COMMD10: variants seen among roughly 807,000 people sequenced by gnomAD.
The protein encoded by COMMD10 is COMM domain containing 10, also known as COMM domain-containing protein 10.
Under a neutral mutation model 28.9 loss-of-function variants are expected in COMMD10, and 33 were observed. That is an observed-to-expected ratio of 1.14 (90% CI 0.87 to 1.53). The LOEUF is 1.53. Ranked by LOEUF, COMMD10 falls within the 40% of genes most tolerant of loss-of-function variation. COMMD10 has a pLI of 0.00. For missense variants in COMMD10, 310 were observed against 233.4 expected, an observed-to-expected ratio of 1.33 and a Z score of -2.14; for synonymous variants, 110 against 81.7, an observed-to-expected ratio of 1.35 and a Z score of -1.87.
chr5:116,210,121 T>A (rs1748920457), intron 5 of COMMD10, among the ~76,000 whole-genome samples: 1 of 152,172 alleles, frequency 6.6e-6, no homozygotes, highest in Non-Finnish European at 1.5e-5. Flanking sequence ...CCTTGATAAC[T>A]AACTCACTCC....
chr5:116,107,942 C>T (rs1750897633), intron 4 of COMMD10, among the ~76,000 whole-genome samples: 1 of 152,206 alleles, frequency 6.6e-6, no homozygotes, highest in African/African-American at 2.4e-5. Context: ...TCAGGCCCTT[C>T]TGCTGGAGTT....
At chr5:116,096,722 C>T (rs890418508) in intron 4 of COMMD10, among the ~76,000 whole-genome samples, 5 of 151,990 alleles carry the variant, frequency 3.3e-5, no homozygotes, top group African/African-American at 1.2e-4. Flanking sequence ...GAAAATGCCC[C>T]TTTATTGTTT....
Position 116,114,905 on chromosome 5 carries a change from G to A in COMMD10, c.400-19163G>A, listed in dbSNP as rs533819046. Among the ~76,000 whole-genome samples, 7 of 152,198 alleles carry A rather than the reference G, an allele frequency of 4.6e-5. No individual in the cohort carries two copies. The East Asian group carries it at 9.7e-4, about 21-fold the overall frequency. On this transcript the variant is annotated intron_variant, in intron 4 of 6. Transcript: ENST00000274458. ...AGACTGCTTTGGCGGCTCTTATTCTGCTCACATCTTGGGGGTTGCCTAGCT... is the reference window on the plus strand; with the variant it reads ...AGACTGCTTTGGCGGCTCTTATTCTACTCACATCTTGGGGGTTGCCTAGCT...
chr5:116,257,166 G>C (rs1456902325), intron 5 of COMMD10, among the ~76,000 whole-genome samples: 3 of 151,148 alleles, frequency 2.0e-5, no homozygotes, highest in Admixed American at 1.3e-4. Context: ...ACTATGTCCT[G>C]TGTTCCTGCA....
rs145787014 is a variant in COMMD10, at chr5:116,109,572, C to T, written c.399+16872C>T. ...TAGTGCCACTGCACTCCAGCCTGGG[C>T]GACAGAGTGAGACTCTGTCTCAAAA... On this transcript the variant is annotated intron_variant, in intron 4 of 6. Transcript: ENST00000274458. Among the ~76,000 whole-genome samples, 1,114 of 152,188 alleles carry T rather than the reference C, an allele frequency of 7.3e-3. 13 individuals carry two copies. The highest frequency in any genetic ancestry group is 0.025 in the African/African-American group (1,035 of 41,530).
intron 2 of COMMD10, among the ~76,000 whole-genome samples, chr5:116,089,707 G>C (rs1750235692): frequency 6.6e-6 from 1 of 152,166 alleles, no homozygotes; most frequent in African/African-American, 2.4e-5. Context: ...GAGAAGAGGT[G>C]CTTGTTGAAA....
chr5:116,125,719 T>G (rs570724054), intron 4 of COMMD10, among the ~76,000 whole-genome samples: 156 of 152,270 alleles, frequency 1.0e-3, no homozygotes, highest in Admixed American at 3.6e-3. Context: ...TTTCACATAG[T>G]CCCATATTTT....
chr5:116,093,242 T>G (rs1228672428), intron 4 of COMMD10, among the ~76,000 whole-genome samples: 1 of 152,206 alleles, frequency 6.6e-6, no homozygotes, highest in Non-Finnish European at 1.5e-5. Context: ...GATGGCTGAC[T>G]AGAGGCACAG....
chr5:116,185,515 CT>C (rs1189811774), intron 5 of COMMD10, among the ~76,000 whole-genome samples: 1 of 151,804 alleles, frequency 6.6e-6, no homozygotes, highest in East Asian at 1.9e-4. Flanking sequence ...ACCCTGCTTT[CT>C]CCTTGGCGTT....
At chr5:116,203,881 C>A (rs1337865861) in intron 5 of COMMD10, among the ~76,000 whole-genome samples, 1 of 151,800 alleles carries the variant, frequency 6.6e-6, no homozygotes, top group East Asian at 1.9e-4. Context: ...ATCAAATTCA[C>A]ACATAACAAT....
At chr5:116,118,132 G>A (rs1751303696) in intron 4 of COMMD10, among the ~76,000 whole-genome samples, 1 of 152,208 alleles carries the variant, frequency 6.6e-6, no homozygotes, top group Admixed American at 6.5e-5. Flanking sequence ...TCTGCTGGAT[G>A]TTCATAGGGC....
chr5:116,253,990 T>G (rs1280349098), intron 5 of COMMD10, among the ~76,000 whole-genome samples: 1 of 152,092 alleles, frequency 6.6e-6, no homozygotes, highest in African/African-American at 2.4e-5. Flanking sequence ...TTATTGGTCT[T>G]TTCAGAGATT....
At chr5:116,107,626 T>C (rs1750884890) in intron 4 of COMMD10, among the ~76,000 whole-genome samples, 1 of 152,184 alleles carries the variant, frequency 6.6e-6, no homozygotes, top group Non-Finnish European at 1.5e-5. Flanking sequence ...GGTTAGAACA[T>C]GCGCCTTTAG....
Position 116,288,468 on chromosome 5 carries a change from G to A in COMMD10, c.511-3049G>A, listed in dbSNP as rs150288661. On this transcript the variant is annotated intron_variant, in intron 5 of 6. Coordinates refer to ENST00000274458, the MANE Select transcript of COMMD10 (RefSeq NM_016144.4). ...TGGAGTTCTTTGAATTTCTTGATCTGTATGTACATTTCTGTCCACAGATTG... is the reference window on the plus strand; with the variant it reads ...TGGAGTTCTTTGAATTTCTTGATCTATATGTACATTTCTGTCCACAGATTG... Among the ~76,000 whole-genome samples the A allele has an allele frequency of 2.8e-3, 424 of 151,846 alleles. 15 individuals are homozygous for A. Among genetic ancestry groups the A allele is most frequent in the African/African-American group, 0.01 (415 of 41,258 alleles).
chr5:116,090,304 G>A (rs1158850976), intron 2 of COMMD10, among the ~76,000 whole-genome samples: 2 of 152,104 alleles, frequency 1.3e-5, no homozygotes, highest in African/African-American at 2.4e-5. Context: ...GGTATTTAAC[G>A]TCCAGGGACT....
At chr5:116,250,449 G>T (rs1472590351) in intron 5 of COMMD10, among the ~76,000 whole-genome samples, 1 of 151,336 alleles carries the variant, frequency 6.6e-6, no homozygotes, top group Admixed American at 6.6e-5. Context: ...CATAATTGGA[G>T]ATACTAGATG....
At chr5:116,218,671 G>T (rs1312346448) in intron 5 of COMMD10, among the ~76,000 whole-genome samples, 1 of 152,072 alleles carries the variant, frequency 6.6e-6, no homozygotes, top group Non-Finnish European at 1.5e-5. Flanking sequence ...AAGGAAAGTA[G>T]AACCATATTC....
intron 6 of COMMD10, 36 bp downstream of exon 6, chr5:116,291,612 GTTT>G (rs527996443): frequency 8.6e-7 from 1 of 1,156,178 alleles, no homozygotes; most frequent in South Asian, 1.5e-5. Flanking sequence ...AATATGTGGA[GTTT>G]TTTTCATAAT....
At position 116,290,112 on chromosome 5, in the gene COMMD10, A is replaced by G. The variant is rs554836417; in HGVS notation, c.511-1405A>G. On this transcript the variant is annotated intron_variant, in intron 5 of 6. Coordinates refer to ENST00000274458, the MANE Select transcript of COMMD10 (RefSeq NM_016144.4). ...GCTGATTCAGCCTTCATTCTCTCCT[A>G]TCTTTTTGGATGGAGGTGAGAGTGA... 1.7e-3 allele frequency among the ~76,000 whole-genome samples: 256 copies of G among 151,846 alleles called. 3 individuals carry two copies. The highest frequency in any genetic ancestry group is 5.8e-3 in the African/African-American group (239 of 41,240).
Sources: gnomAD v4.1 joint callset for allele counts (sites outside exome capture counted in the v4.1 genomes callset) on GRCh38, gnomAD v4.1.1 for gene constraint, MANE v1.5 for transcripts, NCBI Gene and HGNC (gene_info 2026-07-23, HGNC 2026-07-21) for gene names.